Variants in GPHN observed in about 807,000 individuals in gnomAD.
The protein encoded by GPHN is gephyrin.
In GPHN, 17 loss-of-function variants were observed where a neutral mutation model predicts 95.5. The ratio of observed to expected loss-of-function variants is 0.18; its 90% CI spans 0.12 to 0.27. The LOEUF (loss-of-function observed/expected upper bound fraction) is 0.27, where lower values mean the gene tolerates loss of function less well. Among genes scored for constraint, GPHN ranks in the 10% least tolerant of loss-of-function variants. The probability of loss-of-function intolerance (pLI) is 1.00; values close to 1 mark genes in which losing one functional copy is unlikely to be tolerated. For missense variants in GPHN, 660 were observed against 978.1 expected, an observed-to-expected ratio of 0.67 and a Z score of 4.34; for synonymous variants, 320 against 322.5, an observed-to-expected ratio of 0.99 and a Z score of 0.08.
At chr14:67,580,686 C>A in the GPHN span, among the ~76,000 whole-genome samples, 1 of 152,218 alleles carries the variant, frequency 6.6e-6, no homozygotes, top group Non-Finnish European at 1.5e-5. Flanking sequence ...TGGGGAGGCC[C>A]CTCAGCTGGT....
chr14:66,729,144 A>G (rs1037635233), intron 2 of GPHN, among the ~76,000 whole-genome samples: 10 of 152,126 alleles, frequency 6.6e-5, no homozygotes, highest in Admixed American at 4.6e-4. Flanking sequence ...GCCTTCCACC[A>G]TGATTGTGAG....
chr14:67,452,165 C>T, the GPHN span, among the ~76,000 whole-genome samples: 1 of 152,028 alleles, frequency 6.6e-6, no homozygotes, highest in Non-Finnish European at 1.5e-5. Flanking sequence ...AACCCTGTTT[C>T]TACTAAAAAT....
At chr14:66,846,340 T>G (rs896660308) in intron 4 of GPHN, among the ~76,000 whole-genome samples, 3 of 152,140 alleles carry the variant, frequency 2.0e-5, no homozygotes, top group Non-Finnish European at 2.9e-5. Context: ...CTCAGAACCT[T>G]TTAAGAAAGG....
chr14:67,436,079 C>T, the GPHN span, among the ~76,000 whole-genome samples: 2 of 152,228 alleles, frequency 1.3e-5, no homozygotes, highest in Non-Finnish European at 2.9e-5. Flanking sequence ...ACAGAAATGC[C>T]ACCGTAGCTC....
intron 2 of GPHN, among the ~76,000 whole-genome samples, chr14:66,706,239 A>G (rs1408330255): frequency 1.3e-5 from 2 of 152,190 alleles, no homozygotes; most frequent in Non-Finnish European, 2.9e-5. Context: ...ATACTACCCA[A>G]AGTAATGTAT....
At chr14:67,220,300 G>T in the GPHN span, among the ~76,000 whole-genome samples, 1 of 151,870 alleles carries the variant, frequency 6.6e-6, no homozygotes, top group Admixed American at 6.5e-5. Context: ...AAAGTTATCT[G>T]GGCGTGGTAG....
chr14:67,557,391 C>G, the GPHN span: 1 of 1,613,714 alleles, frequency 6.2e-7, no homozygotes, highest in Non-Finnish European at 8.5e-7. Context: ...AGCTCATCAG[C>G]CAGCTAGAGG....
At chr14:67,370,077 G>A in the GPHN span, among the ~76,000 whole-genome samples, 2 of 152,250 alleles carry the variant, frequency 1.3e-5, no homozygotes, top group Non-Finnish European at 2.9e-5. Context: ...GAAGGGATGG[G>A]CCGAATTAAT....
the GPHN span, among the ~76,000 whole-genome samples, chr14:67,295,939 A>C: frequency 6.6e-6 from 1 of 152,182 alleles, no homozygotes; most frequent in Non-Finnish European, 1.5e-5. Flanking sequence ...ATAGAAACCA[A>C]AAAAAACCTA....
At chr14:66,785,746 C>T (rs1288512981) in intron 3 of GPHN, among the ~76,000 whole-genome samples, 1 of 135,798 alleles carries the variant, frequency 7.4e-6, no homozygotes, top group Non-Finnish European at 1.6e-5. Context: ...AAAAAAAAAA[C>T]AGAAAAATAT....
At chr14:66,537,682 T>G (rs2059192338) in intron 1 of GPHN, among the ~76,000 whole-genome samples, 1 of 152,362 alleles carries the variant, frequency 6.6e-6, no homozygotes, top group Admixed American at 6.5e-5. Flanking sequence ...CCATCCAGGA[T>G]AATTTTCCTT....
chr14:66,863,641 A>G (rs1041756461), intron 4 of GPHN, among the ~76,000 whole-genome samples: 1 of 152,212 alleles, frequency 6.6e-6, no homozygotes, highest in African/African-American at 2.4e-5. Flanking sequence ...ATGGAACAGA[A>G]TAGAGAATCT....
At chr14:66,513,310 A>G (rs1301359357) in intron 1 of GPHN, among the ~76,000 whole-genome samples, 1 of 151,804 alleles carries the variant, frequency 6.6e-6, no homozygotes, top group Non-Finnish European at 1.5e-5. Flanking sequence ...TAGTTGCTAT[A>G]CAATAAGAGT....
At chr14:67,037,040 A>G (rs560226788) in intron 10 of GPHN, among the ~76,000 whole-genome samples, 2 of 152,200 alleles carry the variant, frequency 1.3e-5, no homozygotes, top group Admixed American at 1.3e-4. Context: ...AACATATTAC[A>G]AAGTTACAGT....
At chr14:66,843,537 A>G (rs1567010072) in intron 4 of GPHN, among the ~76,000 whole-genome samples, 3 of 151,960 alleles carry the variant, frequency 2.0e-5, no homozygotes, top group African/African-American at 7.3e-5. Context: ...TATTTGAGAT[A>G]TTGAAATCAT....
the GPHN span, among the ~76,000 whole-genome samples, chr14:67,510,600 G>A: frequency 6.5e-3 from 994 of 152,254 alleles, 9 homozygotes; most frequent in African/African-American, 0.022. Context: ...ATCTGGAACC[G>A]CTGCTTGTGT....
At position 66,954,940 on chromosome 14, in the gene GPHN, A is replaced by C. The variant is rs76188985; in HGVS notation, c.829-10251A>C. Among the ~76,000 whole-genome samples the C allele has an allele frequency of 9.2e-4, 140 of 152,180 alleles. 1 individual carries two copies. The highest frequency in any genetic ancestry group is 1.9e-3 in the South Asian group (9 of 4,820). ...CTGACTTCTTATCTTATGGTGAGCC[A>C]CTCTTACATTTTTGGAATAAATCTC... is the stretch of plus-strand genomic sequence containing the variant. On this transcript the variant is annotated intron_variant, in intron 8 of 22. Coordinates refer to ENST00000478722, the MANE Select transcript of GPHN (RefSeq NM_020806.5).
At chr14:67,164,150 C>A (rs1473865452) in intron 19 of GPHN, among the ~76,000 whole-genome samples, 1 of 151,440 alleles carries the variant, frequency 6.6e-6, no homozygotes, top group East Asian at 2.0e-4. Flanking sequence ...TGCCTGTAAT[C>A]CCAGCTACTC....
intron 10 of GPHN, among the ~76,000 whole-genome samples, chr14:67,037,817 C>A (rs1007717243): frequency 4.0e-5 from 6 of 150,916 alleles, no homozygotes; most frequent in African/African-American, 1.2e-4. Context: ...TATTGGTGAT[C>A]ATAGGGAGAA....
Sources: gnomAD v4.1 joint callset for allele counts (sites outside exome capture counted in the v4.1 genomes callset) on GRCh38, gnomAD v4.1.1 for gene constraint, MANE v1.5 for transcripts, NCBI Gene and HGNC (gene_info 2026-07-23, HGNC 2026-07-21) for gene names.